PEBP4: variants seen among roughly 807,000 people sequenced by gnomAD.
PEBP4 encodes the protein phosphatidylethanolamine binding protein 4, also known as phosphatidylethanolamine-binding protein 4.
Under a neutral mutation model 23.9 loss-of-function variants are expected in PEBP4, and 22 were observed. The observed-to-expected ratio is 0.92, with a 90% CI of 0.66 to 1.31. The LOEUF (loss-of-function observed/expected upper bound fraction) is 1.31, where lower values mean the gene tolerates loss of function less well. Ranked by LOEUF, PEBP4 falls within the 40% of genes most tolerant of loss-of-function variation. The probability of loss-of-function intolerance (pLI) is 0.00; values close to 1 mark genes in which losing one functional copy is unlikely to be tolerated. For missense variants in PEBP4, 324 were observed against 281.7 expected (o/e 1.15, Z -1.07); for synonymous variants, 112 against 99.3 (o/e 1.13, Z -0.76).
intron 3 of PEBP4, among the ~76,000 whole-genome samples, chr8:22,912,422 C>T (rs1310492522): frequency 1.3e-5 from 2 of 152,268 alleles, no homozygotes; most frequent in Non-Finnish European, 2.9e-5. Flanking sequence ...CTGAATGACA[C>T]CCCCTCTCCA....
chr8:22,741,112 C>G (rs1462784243), intron 4 of PEBP4, among the ~76,000 whole-genome samples: 1 of 152,122 alleles, frequency 6.6e-6, no homozygotes, highest in Non-Finnish European at 1.5e-5. Flanking sequence ...GCGGGGCAGC[C>G]CCGGTGTGCA....
At chr8:22,818,722 A>G (rs2128762052) in intron 3 of PEBP4, among the ~76,000 whole-genome samples, 1 of 152,346 alleles carries the variant, frequency 6.6e-6, no homozygotes, top group Middle Eastern at 3.4e-3. Context: ...GGAGGCCAGG[A>G]GGCCAGTTAG....
chr8:22,850,758 C>G (rs17088634), intron 3 of PEBP4, among the ~76,000 whole-genome samples: 3,689 of 152,250 alleles, frequency 0.024, 136 homozygotes, highest in African/African-American at 0.084. Context: ...TAGGCGCATA[C>G]GCAGGAAGAC....
At chr8:22,833,673 C>G (rs1212732067) in intron 3 of PEBP4, among the ~76,000 whole-genome samples, 1 of 152,308 alleles carries the variant, frequency 6.6e-6, no homozygotes, top group South Asian at 2.1e-4. Flanking sequence ...GAGTAGGAGA[C>G]TGAGCTGACC....
At chr8:22,928,014 G>A (rs558543313), upstream of PEBP4, 1 of 357,326 alleles carries the variant, frequency 2.8e-6, no homozygotes, top group Admixed American at 4.9e-5. Flanking sequence ...TGCCAGGGCA[G>A]AGAGCAGGCT....
intron 4 of PEBP4, among the ~76,000 whole-genome samples, chr8:22,774,294 C>T (rs887891287): frequency 9.2e-5 from 14 of 152,236 alleles, no homozygotes; most frequent in South Asian, 2.1e-4. Flanking sequence ...TCACTCATCT[C>T]CCCATTCACG....
In PEBP4 at chr8:22,751,509, C is replaced by T. The variant is rs144205254; in HGVS notation, c.358-24289G>A. ...TGTGGATTTTCCCTTTCTCCTAAAT[C>T]GGTGGTAGATAGAGAGGCCCCAAAT... is the stretch of plus-strand genomic sequence containing the variant. On this transcript the variant is annotated intron_variant, in intron 4 of 6. Transcript: ENST00000256404. Among the ~76,000 whole-genome samples the T allele has an allele frequency of 1.5e-3, 227 of 152,040 alleles. 1 individual carries two copies. Among genetic ancestry groups the T allele is most frequent in the African/African-American group, 5.3e-3 (219 of 41,438 alleles).
intron 4 of PEBP4, among the ~76,000 whole-genome samples, chr8:22,814,474 TG>T (rs1298681746): frequency 6.6e-6 from 1 of 152,222 alleles, no homozygotes; most frequent in Admixed American, 6.5e-5. Flanking sequence ...GGAGTGGAGG[TG>T]GGGGGTGCCA....
intron 3 of PEBP4, among the ~76,000 whole-genome samples, chr8:22,829,215 C>T (rs1337368546): frequency 6.6e-6 from 1 of 152,156 alleles, no homozygotes; most frequent in Non-Finnish European, 1.5e-5. Flanking sequence ...CCTTTACTTC[C>T]ATGTGTGACC....
chr8:22,752,048 C>T (rs1187770826), intron 4 of PEBP4, among the ~76,000 whole-genome samples: 1 of 152,206 alleles, frequency 6.6e-6, no homozygotes, highest in Non-Finnish European at 1.5e-5. Flanking sequence ...AGGCACACAC[C>T]ACCATGCCTG....
chr8:22,883,165 G>A (rs1563248409), intron 3 of PEBP4, among the ~76,000 whole-genome samples: 2 of 152,172 alleles, frequency 1.3e-5, no homozygotes, highest in African/African-American at 4.8e-5. Flanking sequence ...AGAAAGCAGG[G>A]ATTATGATGC....
chr8:22,874,087 G>A (rs761178668), intron 3 of PEBP4, among the ~76,000 whole-genome samples: 13 of 152,080 alleles, frequency 8.5e-5, no homozygotes, highest in African/African-American at 2.9e-4. Context: ...AGCCCATCCC[G>A]CAGCTGGGGC....
At position 22,927,900 on chromosome 8, in the gene PEBP4, T is replaced by C; in HGVS notation, c.-84A>G. Reference sequence around the variant, plus strand: ...ATCCAGTCCACCACCCGGACACAAGTACTTTGGGAGGACTGGGCCTCTTCC... The same window carrying C: ...ATCCAGTCCACCACCCGGACACAAGCACTTTGGGAGGACTGGGCCTCTTCC... On this transcript the variant is annotated 5_prime_UTR_variant, in exon 1 of 7. Transcript: ENST00000256404. The C allele has an allele frequency of 1.6e-6, 1 of 641,748 alleles. No homozygotes were observed. Among genetic ancestry groups the C allele is most frequent in the Admixed American group, 3.3e-5 (1 of 30,582 alleles). 39.8% of individuals were successfully genotyped at this position (641,748 alleles called of 1,614,324 possible).
chr8:22,838,708 G>A, intron 3 of PEBP4, among the ~76,000 whole-genome samples: 1 of 152,282 alleles, frequency 6.6e-6, no homozygotes, highest in Non-Finnish European at 1.5e-5. Flanking sequence ...GCCAGGCCTG[G>A]CGCTGAGCTG....
At chr8:22,780,620 G>T (rs1383409218) in intron 4 of PEBP4, among the ~76,000 whole-genome samples, 2 of 152,148 alleles carry the variant, frequency 1.3e-5, no homozygotes, top group African/African-American at 4.8e-5. Context: ...GAAAACCTGC[G>T]ATGGAAGTTA....
intron 3 of PEBP4, among the ~76,000 whole-genome samples, chr8:22,849,448 C>T (rs1389036237): frequency 6.6e-6 from 1 of 152,144 alleles, no homozygotes; most frequent in African/African-American, 2.4e-5. Flanking sequence ...AGTTAGAGGG[C>T]AGAAGGAGAG....
intron 4 of PEBP4, chr8:22,744,707 C>G (rs1480745542): frequency 6.6e-6 from 1 of 152,358 alleles, no homozygotes; most frequent in Non-Finnish European, 1.5e-5. Flanking sequence ...GCTCCTACAT[C>G]CTTGGATGGG....
At chr8:22,840,119 C>T (rs2128765476) in intron 3 of PEBP4, among the ~76,000 whole-genome samples, 1 of 152,222 alleles carries the variant, frequency 6.6e-6, no homozygotes, top group African/African-American at 2.4e-5. Context: ...TTATAAAATT[C>T]CAGAAAGGCT....
chr8:22,783,894 G>A (rs938821428), intron 4 of PEBP4, among the ~76,000 whole-genome samples: 15 of 152,334 alleles, frequency 9.8e-5, no homozygotes, highest in African/African-American at 3.6e-4. Context: ...CCAAAGTGCT[G>A]GAATTGCAGG....
Sources: allele counts gnomAD v4.1 joint callset (sites outside exome capture counted in the v4.1 genomes callset), GRCh38; gene constraint gnomAD v4.1.1; transcripts MANE v1.5; gene names NCBI Gene and HGNC (gene_info 2026-07-23, HGNC 2026-07-21).